SHISA6: variants seen among roughly 807,000 people sequenced by gnomAD.
The protein encoded by SHISA6 is protein shisa-6.
In SHISA6, 22 loss-of-function variants were observed where a neutral mutation model predicts 47.9. That is an observed-to-expected ratio of 0.46 (90% CI 0.33 to 0.66). SHISA6 has a LOEUF of 0.66. Ranked by LOEUF, SHISA6 falls within the 30% of genes least tolerant of loss-of-function variation. The pLI is 0.02. For missense variants in SHISA6, 680 were observed against 764.6 expected (o/e 0.89, Z 1.30); for synonymous variants, 388 against 337.8 (o/e 1.15, Z -1.63).
intron 1 of SHISA6, among the ~76,000 whole-genome samples, chr17:11,250,154 G>C (rs1446848363): frequency 6.6e-6 from 1 of 152,212 alleles, no homozygotes; most frequent in Non-Finnish European, 1.5e-5. Flanking sequence ...GCATGAGATA[G>C]TAGACAGTTA....
At chr17:11,526,024 A>C (rs1299040697) in intron 3 of SHISA6, among the ~76,000 whole-genome samples, 1 of 151,030 alleles carries the variant, frequency 6.6e-6, no homozygotes, top group Non-Finnish European at 1.5e-5. Flanking sequence ...AAAAAAAAAA[A>C]ACCTGTCTTC....
rs367841071 is a variant in SHISA6, at chr17:11,282,194, C to G, written c.799+18668C>G. Among the ~76,000 whole-genome samples, 3 of 152,316 alleles carry G rather than the reference C, an allele frequency of 2.0e-5. No individual in the cohort carries two copies. In the South Asian group the frequency reaches 6.2e-4, roughly 32 times the overall value. On this transcript the variant is annotated intron_variant, in intron 2 of 5. Coordinates refer to ENST00000441885, the MANE Select transcript of SHISA6 (RefSeq NM_207386.4). ...GAGGTCCCCAAACTTAACCTAAGTG[C>G]GTCTGCAGGTGTTACCACCTCTCTT...
chr17:11,259,768 C>T (rs1277346023), intron 1 of SHISA6, among the ~76,000 whole-genome samples: 3 of 152,164 alleles, frequency 2.0e-5, no homozygotes, highest in African/African-American at 7.2e-5. Flanking sequence ...CTGGCATTTG[C>T]TAAATTAGCT....
Position 11,379,431 on chromosome 17 carries a change from G to A in SHISA6, c.817G>A (p.Ala273Thr). 6.5e-7 allele frequency: 1 copy of A among 1,539,806 alleles called. No individual in the cohort carries two copies. The highest frequency in any genetic ancestry group is 1.2e-5 in the South Asian group (1 of 82,134). Residue 273 changes from alanine (A) to threonine (T), a missense_variant, in exon 3 of 6, where the codon GCT becomes ACT. This residue lies in a region of SHISA6 where 559 missense variants were observed against 674.1 expected (regional missense o/e 0.83). Coordinates refer to ENST00000441885, the MANE Select transcript of SHISA6 (RefSeq NM_207386.4). ...KQTPGHYGKD[A>T]YRSGGPDLHN... is the part of the protein sequence containing the mutation. ...TCTTGCAGGGCATTATGGGAAGGAT[G>A]CTTACCGAAGTGGAGGACCTGATCT...
chr17:11,382,910 G>A (rs1171168551), intron 3 of SHISA6, among the ~76,000 whole-genome samples: 2 of 146,480 alleles, frequency 1.4e-5, no homozygotes, highest in African/African-American at 2.5e-5. Flanking sequence ...AATCTTAGTC[G>A]ACATCAGTCC....
At chr17:11,468,268 G>T (rs202107598) in intron 3 of SHISA6, among the ~76,000 whole-genome samples, 1 of 151,596 alleles carries the variant, frequency 6.6e-6, no homozygotes, top group African/African-American at 2.4e-5. Context: ...TCTCTCTCCC[G>T]TCCTAAAGTT....
intron 2 of SHISA6, among the ~76,000 whole-genome samples, chr17:11,316,443 C>T (rs1264696311): frequency 9.9e-5 from 11 of 111,610 alleles, no homozygotes; most frequent in Admixed American, 8.6e-4. Context: ...TTTTTTGAGA[C>T]GGAGTCTTGC....
chr17:11,523,100 C>G (rs184154355), intron 3 of SHISA6, among the ~76,000 whole-genome samples: 5 of 152,312 alleles, frequency 3.3e-5, no homozygotes, highest in Non-Finnish European at 7.3e-5. Context: ...TGAGCTCTCT[C>G]TGAGCCTCTA....
chr17:11,434,242 T>C (rs1597511349), intron 3 of SHISA6, among the ~76,000 whole-genome samples: 2 of 152,140 alleles, frequency 1.3e-5, no homozygotes, highest in South Asian at 4.2e-4. Context: ...TTTTGTATTT[T>C]TAGTAGAGAT....
At chr17:11,518,651 T>C (rs930329492) in intron 3 of SHISA6, among the ~76,000 whole-genome samples, 5 of 152,148 alleles carry the variant, frequency 3.3e-5, no homozygotes, top group African/African-American at 1.2e-4. Flanking sequence ...ATGTGGCCAG[T>C]AGAATCACCT....
intron 3 of SHISA6, among the ~76,000 whole-genome samples, chr17:11,470,596 C>T (rs1320178208): frequency 2.6e-5 from 4 of 152,168 alleles, no homozygotes; most frequent in Admixed American, 6.5e-5. Flanking sequence ...GCAGGCCTCC[C>T]GTCCTCAGCC....
At chr17:11,484,082 C>T (rs1461960704) in intron 3 of SHISA6, among the ~76,000 whole-genome samples, 1 of 152,048 alleles carries the variant, frequency 6.6e-6, no homozygotes, top group Non-Finnish European at 1.5e-5. Context: ...ATATATTAGG[C>T]TGTAAAGAAA....
intron 2 of SHISA6, among the ~76,000 whole-genome samples, chr17:11,305,297 C>A (rs183652384): frequency 3.9e-5 from 6 of 152,278 alleles, no homozygotes; most frequent in Admixed American, 2.6e-4. Context: ...CTTTGTACAA[C>A]CCTTTTAACC....
intron 2 of SHISA6, among the ~76,000 whole-genome samples, chr17:11,306,669 A>G (rs1910120267): frequency 6.6e-6 from 1 of 152,210 alleles, no homozygotes; most frequent in South Asian, 2.1e-4. Context: ...TAGGCACAGA[A>G]CAGTCACAGG....
At chr17:11,387,886 C>A (rs1201692240) in intron 3 of SHISA6, among the ~76,000 whole-genome samples, 1 of 152,170 alleles carries the variant, frequency 6.6e-6, no homozygotes, top group African/African-American at 2.4e-5. Context: ...CTTTCTGCAG[C>A]CCCACAGCTG....
At position 11,511,686 on chromosome 17, in the gene SHISA6, A is replaced by G. The variant is rs146268574; in HGVS notation, c.896-40210A>G. Among the ~76,000 whole-genome samples the G allele has an allele frequency of 2.4e-3, 373 of 152,362 alleles. 1 individual carries two copies. Among genetic ancestry groups the G allele is most frequent in the African/African-American group, 8.6e-3 (356 of 41,584 alleles). On this transcript the variant is annotated intron_variant, in intron 3 of 5. Coordinates refer to ENST00000441885, the MANE Select transcript of SHISA6 (RefSeq NM_207386.4). ...AATGAAGTTGTAAAAAAGCAAAATT[A>G]TCATAGCACTTTCATCTTCTGCATC...
chr17:11,300,042 G>A (rs1909868347), intron 2 of SHISA6, among the ~76,000 whole-genome samples: 1 of 151,598 alleles, frequency 6.6e-6, no homozygotes, highest in South Asian at 2.1e-4. Context: ...CTACTTGGGA[G>A]GCTGAGGCAG....
intron 3 of SHISA6, among the ~76,000 whole-genome samples, chr17:11,385,593 A>G (rs909815653): frequency 6.6e-6 from 1 of 152,198 alleles, no homozygotes; most frequent in African/African-American, 2.4e-5. Flanking sequence ...TGCTGAGTTC[A>G]AGGGAAAACT....
At chr17:11,361,864 A>G (rs1403136262) in intron 2 of SHISA6, among the ~76,000 whole-genome samples, 1 of 152,158 alleles carries the variant, frequency 6.6e-6, no homozygotes, top group Non-Finnish European at 1.5e-5. Context: ...AATAATAACA[A>G]CAGAGGCGGA....
Sources: gnomAD v4.1 joint callset for allele counts (sites outside exome capture counted in the v4.1 genomes callset) on GRCh38, gnomAD v4.1.1 for gene constraint, gnomAD v4.1.1 regional missense constraint, MANE v1.5 for transcripts, NCBI Gene and HGNC (gene_info 2026-07-23, HGNC 2026-07-21) for gene names.